The following EEF1AKMT1 variants were observed in gnomAD, a reference collection of about 807,000 sequenced individuals.
EEF1AKMT1 encodes N-6 adenine-specific DNA methyltransferase 2 (putative).
A neutral mutation model predicts 21.0 loss-of-function variants in EEF1AKMT1; 18 were observed. That is an observed-to-expected ratio of 0.86 (90% CI 0.59 to 1.27). The LOEUF (loss-of-function observed/expected upper bound fraction) is 1.27. Among genes scored for constraint, EEF1AKMT1 ranks in the 50% most tolerant of loss-of-function variants. EEF1AKMT1 has a pLI of 0.00. For synonymous variants in EEF1AKMT1, 109 were observed against 94.8 expected (o/e 1.15, Z -0.87); for missense variants, 246 against 258.6 (o/e 0.95, Z 0.33).
intron 1 of EEF1AKMT1, among the ~76,000 whole-genome samples, chr13:20,768,005 T>C (rs527852404): frequency 6.6e-6 from 1 of 152,348 alleles, no homozygotes; most frequent in South Asian, 2.1e-4. Flanking sequence ...ATATTTCCAG[T>C]TCACATGTTC....
chr13:20,756,021 G>A (rs2058969593), intron 2 of EEF1AKMT1, among the ~76,000 whole-genome samples: 1 of 152,156 alleles, frequency 6.6e-6, no homozygotes, highest in African/African-American at 2.4e-5. Flanking sequence ...TGAGAAAGAG[G>A]CTTTAGAATA....
At chr13:20,738,793 A>G (rs554157701) in intron 2 of EEF1AKMT1, among the ~76,000 whole-genome samples, 5 of 152,208 alleles carry the variant, frequency 3.3e-5, no homozygotes. Flanking sequence ...CTACAAAGAC[A>G]GTAGATTAGT....
chr13:20,766,240 A>C (rs541705891), intron 1 of EEF1AKMT1, among the ~76,000 whole-genome samples: 93 of 141,878 alleles, frequency 6.6e-4, no homozygotes, highest in African/African-American at 2.4e-3. Flanking sequence ...AGGAGGTTGC[A>C]GTGGGCAGAG....
At chr13:20,739,575 G>C (rs1477558916) in intron 2 of EEF1AKMT1, among the ~76,000 whole-genome samples, 3 of 152,140 alleles carry the variant, frequency 2.0e-5, no homozygotes, top group African/African-American at 7.2e-5. Flanking sequence ...CAATCCTCTA[G>C]CTAGACGTAA....
At chr13:20,763,848 T>C (rs567305195) in intron 1 of EEF1AKMT1, among the ~76,000 whole-genome samples, 2 of 152,194 alleles carry the variant, frequency 1.3e-5, no homozygotes, top group Non-Finnish European at 2.9e-5. Context: ...TGAGTTCTCG[T>C]AGTTTGTAGT....
intron 2 of EEF1AKMT1, among the ~76,000 whole-genome samples, chr13:20,740,836 A>AGTC (rs1332767732): frequency 2.5e-4 from 38 of 151,526 alleles, no homozygotes; most frequent in Non-Finnish European, 4.3e-4. Flanking sequence ...TACACTTTTA[A>AGTC]AAGGTGAATT....
intron 1 of EEF1AKMT1, among the ~76,000 whole-genome samples, chr13:20,769,951 T>G (rs576237540): frequency 3.3e-5 from 5 of 152,136 alleles, no homozygotes; most frequent in African/African-American, 4.8e-5. Context: ...GAAATATAAA[T>G]AGAGAGACAG....
At chr13:20,729,484 T>TTA (rs1453395109) in intron 4 of EEF1AKMT1, among the ~76,000 whole-genome samples, 2 of 129,758 alleles carry the variant, frequency 1.5e-5, no homozygotes, top group East Asian at 4.1e-4. Context: ...TAGAAGCAGA[T>TTA]TATACACACA....
chr13:20,735,802 C>A (rs1345690116), intron 3 of EEF1AKMT1, among the ~76,000 whole-genome samples: 1 of 151,956 alleles, frequency 6.6e-6, no homozygotes, highest in African/African-American at 2.4e-5. Flanking sequence ...TTAAAAAATT[C>A]TATAATATCC....
intron 2 of EEF1AKMT1, among the ~76,000 whole-genome samples, chr13:20,746,221 C>T (rs1042149738): frequency 3.3e-5 from 5 of 151,880 alleles, no homozygotes; most frequent in Admixed American, 2.0e-4. Flanking sequence ...GGCACAATGT[C>T]GGCTCACTGC....
intron 2 of EEF1AKMT1, among the ~76,000 whole-genome samples, chr13:20,743,686 A>G (rs992431016): frequency 1.2e-5 from 1 of 80,764 alleles, no homozygotes; most frequent in Non-Finnish European, 2.7e-5. Flanking sequence ...TCGTATTTTT[A>G]TTTTACTTTA....
intron 2 of EEF1AKMT1, among the ~76,000 whole-genome samples, chr13:20,750,237 A>G (rs1206509994): frequency 1.3e-5 from 2 of 152,208 alleles, no homozygotes; most frequent in Non-Finnish European, 1.5e-5. Context: ...ATTGCAATAT[A>G]CAATACACTA....
At chr13:20,751,763 T>G (rs2058942148) in intron 2 of EEF1AKMT1, among the ~76,000 whole-genome samples, 1 of 152,202 alleles carries the variant, frequency 6.6e-6, no homozygotes, top group South Asian at 2.1e-4. Context: ...TAACTACGAT[T>G]ATTCTTTCAA....
At chr13:20,753,084 C>A (rs1039470112) in intron 2 of EEF1AKMT1, among the ~76,000 whole-genome samples, 5 of 152,040 alleles carry the variant, frequency 3.3e-5, no homozygotes, top group African/African-American at 1.2e-4. Context: ...TTGCTATAAA[C>A]TTCACTCTTA....
intron 1 of EEF1AKMT1, among the ~76,000 whole-genome samples, chr13:20,772,534 T>C (rs955832234): frequency 6.6e-5 from 10 of 151,974 alleles, no homozygotes; most frequent in African/African-American, 1.9e-4. Context: ...AGTTGAGAAA[T>C]TCTAGGTTAG....
At chr13:20,730,092 C>T (rs1176831161) in intron 4 of EEF1AKMT1, among the ~76,000 whole-genome samples, 1 of 152,238 alleles carries the variant, frequency 6.6e-6, no homozygotes, top group African/African-American at 2.4e-5. Context: ...GTGCAGATCC[C>T]TGGGTCTCTG....
intron 2 of EEF1AKMT1, among the ~76,000 whole-genome samples, chr13:20,746,359 G>A (rs957645014): frequency 5.3e-5 from 8 of 152,118 alleles, no homozygotes; most frequent in Non-Finnish European, 1.0e-4. Context: ...CACCATGTTG[G>A]TCAGGCTGGT....
intron 2 of EEF1AKMT1, among the ~76,000 whole-genome samples, chr13:20,756,825 CCTT>C (rs1216881090): frequency 2.6e-5 from 4 of 152,108 alleles, no homozygotes; most frequent in Admixed American, 1.3e-4. Flanking sequence ...TTGAGTGGTG[CCTT>C]CACCTTTACC....
At chr13:20,754,471 T>C (rs942169641) in intron 2 of EEF1AKMT1, among the ~76,000 whole-genome samples, 14 of 152,170 alleles carry the variant, frequency 9.2e-5, no homozygotes, top group Admixed American at 2.0e-4. Context: ...GAATGCTTTT[T>C]TGAATTTAAT....
Sources: gnomAD v4.1 joint callset for allele counts (sites outside exome capture counted in the v4.1 genomes callset) on GRCh38, gnomAD v4.1.1 for gene constraint, MANE v1.5 for transcripts, NCBI Gene and HGNC (gene_info 2026-07-23, HGNC 2026-07-21) for gene names.